Variants in NPAS3 observed in about 807,000 individuals in gnomAD.
The protein encoded by NPAS3 is neuronal PAS domain-containing protein 3.
In NPAS3, 14 loss-of-function variants were observed where a neutral mutation model predicts 73.1. The ratio of observed to expected loss-of-function variants is 0.19; its 90% confidence interval spans 0.13 to 0.30. The LOEUF (loss-of-function observed/expected upper bound fraction) is 0.30, where lower values mean the gene tolerates loss of function less well. NPAS3 is among the 10% of genes least tolerant of loss of function. NPAS3 has a pLI of 1.00. For missense variants in NPAS3, 1,096 were observed against 1,250.0 expected (o/e 0.88, Z 1.86); for synonymous variants, 620 against 541.5 (o/e 1.14, Z -2.01).
At chr14:33,306,204 A>AT (rs11434960) in intron 3 of NPAS3, among the ~76,000 whole-genome samples, 49,482 of 151,822 alleles carry the variant, frequency 0.33, 8,411 homozygotes, top group Non-Finnish European at 0.39. Context: ...ACTCCAGGTT[A>AT]TTTTTATCTC....
intron 4 of NPAS3, among the ~76,000 whole-genome samples, chr14:33,399,189 G>A (rs1288837389): frequency 1.3e-5 from 2 of 152,084 alleles, no homozygotes; most frequent in African/African-American, 2.4e-5. Flanking sequence ...GCTGTAAAAG[G>A]TATCTTAACA....
At chr14:33,088,209 C>T (rs1047549880) in intron 2 of NPAS3, among the ~76,000 whole-genome samples, 2 of 152,170 alleles carry the variant, frequency 1.3e-5, no homozygotes, top group Non-Finnish European at 2.9e-5. Context: ...TGGGTGCAGC[C>T]CACTCAGCGT....
chr14:33,544,798 A>ATATATATATATATATATATATATATAT (rs1240190500), intron 4 of NPAS3, among the ~76,000 whole-genome samples: 16 of 75,580 alleles, frequency 2.1e-4, no homozygotes, highest in African/African-American at 1.4e-3. Flanking sequence ...TTATATATAT[A>ATATATATATATATATATATATATATAT]TATATATATA....
intron 6 of NPAS3, among the ~76,000 whole-genome samples, chr14:33,706,782 C>T (rs1192379733): frequency 2.0e-5 from 3 of 152,122 alleles, no homozygotes; most frequent in Non-Finnish European, 1.5e-5. Context: ...AATAAGTTAG[C>T]CCAAAGTTGC....
chr14:33,644,351 G>A (rs984589288), intron 5 of NPAS3, among the ~76,000 whole-genome samples: 21 of 152,240 alleles, frequency 1.4e-4, no homozygotes, highest in Admixed American at 8.5e-4. Context: ...TTTTGGCAGG[G>A]GCACTACACA....
intron 3 of NPAS3, among the ~76,000 whole-genome samples, chr14:33,257,327 A>G (rs1303651407): frequency 6.6e-6 from 1 of 152,154 alleles, no homozygotes; most frequent in Non-Finnish European, 1.5e-5. Flanking sequence ...TGCCTTCACC[A>G]TAATAACTCC....
chr14:33,312,568 C>A (rs2043046068), intron 3 of NPAS3, among the ~76,000 whole-genome samples: 1 of 152,062 alleles, frequency 6.6e-6, no homozygotes, highest in South Asian at 2.1e-4. Flanking sequence ...AAGGTCTTAA[C>A]TATAGAGCTA....
chr14:33,184,186 A>G (rs1374449972), intron 2 of NPAS3, among the ~76,000 whole-genome samples: 1 of 152,182 alleles, frequency 6.6e-6, no homozygotes, highest in Non-Finnish European at 1.5e-5. Flanking sequence ...GCACGATGCC[A>G]CAGAGCCTCC....
intron 5 of NPAS3, among the ~76,000 whole-genome samples, chr14:33,626,353 G>A (rs2058219119): frequency 6.6e-6 from 1 of 152,082 alleles, no homozygotes; most frequent in Admixed American, 6.6e-5. Context: ...CTTAACAGAG[G>A]ATACGTAAAT....
Position 33,321,197 on chromosome 14 carries a change from A to G in NPAS3, c.386-45989A>G, listed in dbSNP as rs1366777352. On this transcript the variant is annotated intron_variant, in intron 3 of 11. Transcript: ENST00000356141. ...AAATAATAGATAGCAAGGAATATCAACCAATGATTAGAGCCCATTCTGCTT... is the reference window on the plus strand; with the variant it reads ...AAATAATAGATAGCAAGGAATATCAGCCAATGATTAGAGCCCATTCTGCTT... 3.3e-5 allele frequency among the ~76,000 whole-genome samples: 5 copies of G among 152,330 alleles called. No homozygotes were observed. In the South Asian group the frequency reaches 8.3e-4, roughly 25 times the overall value.
intron 5 of NPAS3, among the ~76,000 whole-genome samples, chr14:33,612,212 A>G (rs1183684027): frequency 6.6e-6 from 1 of 152,202 alleles, no homozygotes. Flanking sequence ...GCCGGGGAGA[A>G]TGAAAAGAGG....
At chr14:33,482,127 G>A (rs559546062) in intron 4 of NPAS3, among the ~76,000 whole-genome samples, 29 of 150,084 alleles carry the variant, frequency 1.9e-4, no homozygotes, top group Admixed American at 5.3e-4. Flanking sequence ...CCCAGAAAAC[G>A]AAAGGTTCTT....
intron 1 of NPAS3, among the ~76,000 whole-genome samples, chr14:33,026,996 G>C (rs1231588976): frequency 2.6e-5 from 4 of 152,154 alleles, no homozygotes; most frequent in Admixed American, 2.6e-4. Context: ...GCCAGCTCAG[G>C]GAAAGGGGTG....
intron 4 of NPAS3, among the ~76,000 whole-genome samples, chr14:33,551,026 T>A (rs1034016230): frequency 3.9e-5 from 6 of 152,206 alleles, no homozygotes; most frequent in Non-Finnish European, 8.8e-5. Flanking sequence ...ATTATATGAA[T>A]GATACATAAA....
intron 9 of NPAS3, among the ~76,000 whole-genome samples, chr14:33,785,940 G>A (rs887520367): frequency 6.6e-6 from 1 of 152,166 alleles, no homozygotes; most frequent in Non-Finnish European, 1.5e-5. Flanking sequence ...GGGGTCAGTC[G>A]ATGTTTTGTG....
rs139903692 is a variant in NPAS3 at position 33,731,087 on chromosome 14, G to A, written c.734-4127G>A. Among the ~76,000 whole-genome samples, 27 of 151,992 alleles carry A rather than the reference G, an allele frequency of 1.8e-4. No individual in the cohort carries two copies. In the East Asian group the frequency reaches 4.3e-3, roughly 24 times the overall value. On this transcript the variant is annotated intron_variant, in intron 6 of 11. Coordinates refer to ENST00000356141, the Ensembl canonical transcript of NPAS3. Reference sequence around the variant, plus strand: ...CATCAGGATTTGGTGGGGGCTGGAGGGTTCTGACACTTTAATTACAGTGAA... The same window carrying A: ...CATCAGGATTTGGTGGGGGCTGGAGAGTTCTGACACTTTAATTACAGTGAA...
At chr14:33,079,631 T>TG in intron 2 of NPAS3, among the ~76,000 whole-genome samples, 1 of 141,276 alleles carries the variant, frequency 7.1e-6, no homozygotes, top group Non-Finnish European at 1.5e-5. Flanking sequence ...TTTTTTTTTT[T>TG]TTGACAATTT....
intron 5 of NPAS3, among the ~76,000 whole-genome samples, chr14:33,597,535 G>T (rs1159254823): frequency 2.0e-5 from 3 of 152,188 alleles, no homozygotes; most frequent in Non-Finnish European, 2.9e-5. Context: ...AAAGTCAGTT[G>T]ATTTAGAAAC....
intron 4 of NPAS3, among the ~76,000 whole-genome samples, chr14:33,476,007 G>A (rs1311411842): frequency 6.6e-6 from 1 of 152,172 alleles, no homozygotes; most frequent in African/African-American, 2.4e-5. Context: ...GTAAGCCATG[G>A]CTGCGCTTTC....
Sources: gnomAD v4.1 joint callset for allele counts (sites outside exome capture counted in the v4.1 genomes callset) on GRCh38, gnomAD v4.1.1 for gene constraint, MANE v1.5 for transcripts, NCBI Gene and HGNC (gene_info 2026-07-23, HGNC 2026-07-21) for gene names.